The following ASIC2 variants were observed in gnomAD, a reference collection of about 807,000 sequenced individuals.
ASIC2 encodes acid-sensing ion channel 2.
A neutral mutation model predicts 57.3 loss-of-function variants in ASIC2; 25 were observed. The ratio of observed to expected loss-of-function variants is 0.44; its 90% CI spans 0.32 to 0.61. ASIC2 has a LOEUF of 0.61. Among genes scored for constraint, ASIC2 ranks in the 20% least tolerant of loss-of-function variants. The pLI, the probability that ASIC2 is intolerant of heterozygous loss-of-function variation, is 0.06. For synonymous variants in ASIC2, 319 were observed against 307.5 expected, an observed-to-expected ratio of 1.04 and a Z score of -0.39; for missense variants, 641 against 738.1, an observed-to-expected ratio of 0.87 and a Z score of 1.52.
In ASIC2 at chr17:33,656,169, TTA is replaced by T. The variant is rs987793104; in HGVS notation, c.555+499807_555+499808del. On this transcript the variant is annotated intron_variant, in intron 1 of 9. Transcript: ENST00000359872. Reference sequence around the variant, plus strand: ...AGAAGCTCATAATCATATTATGGGATTATAGCAAAAAAACAAACAAACCAGAA... The same window carrying T: ...AGAAGCTCATAATCATATTATGGGATTAGCAAAAAAACAAACAAACCAGAA... 4.7e-4 allele frequency among the ~76,000 whole-genome samples: 72 copies of T among 151,902 alleles called. 1 individual carries two copies. Among genetic ancestry groups the T allele is most frequent in the African/African-American group, 1.6e-3 (68 of 41,382 alleles).
intron 1 of ASIC2, among the ~76,000 whole-genome samples, chr17:33,886,415 C>T (rs903804574): frequency 3.3e-5 from 5 of 152,100 alleles, no homozygotes; most frequent in African/African-American, 1.2e-4. Context: ...TGGAAACTGG[C>T]TCCATTTACA....
chr17:33,361,920 C>T (rs905487606), intron 1 of ASIC2, among the ~76,000 whole-genome samples: 2 of 152,222 alleles, frequency 1.3e-5, no homozygotes, highest in Non-Finnish European at 2.9e-5. Flanking sequence ...CTTCTCTCCT[C>T]CTTGACCTTC....
intron 1 of ASIC2, among the ~76,000 whole-genome samples, chr17:33,356,410 C>G (rs932164667): frequency 5.3e-5 from 8 of 152,134 alleles, no homozygotes; most frequent in Admixed American, 5.2e-4. Context: ...CCTGAACCAC[C>G]TCCAGATTCT....
intron 1 of ASIC2, among the ~76,000 whole-genome samples, chr17:33,797,198 A>T (rs1911943799): frequency 6.6e-6 from 1 of 152,194 alleles, no homozygotes; most frequent in African/African-American, 2.4e-5. Context: ...TTTAGAGTGA[A>T]GGTAACACTT....
At chr17:33,148,658 T>G (rs936475562) in intron 1 of ASIC2, among the ~76,000 whole-genome samples, 4 of 152,206 alleles carry the variant, frequency 2.6e-5, no homozygotes, top group Admixed American at 2.6e-4. Flanking sequence ...ATTATGAAAA[T>G]TAAAAGATGA....
rs56259686 is a variant in ASIC2, at chr17:33,655,898, G to A, written c.555+500080C>T. ...CTTCCTTTTAAGCTTCTCAAGTTGG[G>A]TTGGAGATTTAACTCAGTGATCTCA... On this transcript the variant is annotated intron_variant, in intron 1 of 9. Transcript: ENST00000359872. Among the ~76,000 whole-genome samples the A allele has an allele frequency of 5.1e-3, 783 of 152,216 alleles. 3 individuals are homozygous for A. Among genetic ancestry groups the A allele is most frequent in the Non-Finnish European group, 7.9e-3 (539 of 68,010 alleles).
At chr17:33,570,761 G>A (rs533448026) in intron 1 of ASIC2, among the ~76,000 whole-genome samples, 55 of 152,214 alleles carry the variant, frequency 3.6e-4, no homozygotes, top group Non-Finnish European at 6.9e-4. Context: ...CCTTGCCCAC[G>A]TGTCTGGGGT....
chr17:33,659,911 TAAATAAAA>T (rs2142043908), intron 1 of ASIC2, among the ~76,000 whole-genome samples: 1 of 115,408 alleles, frequency 8.7e-6, no homozygotes, highest in Admixed American at 8.8e-5. Flanking sequence ...AATAAATAAA[TAAATAAAA>T]TAAAAATAAA....
At chr17:33,421,153 G>A (rs1229533423) in intron 1 of ASIC2, among the ~76,000 whole-genome samples, 1 of 152,306 alleles carries the variant, frequency 6.6e-6, no homozygotes, top group East Asian at 1.9e-4. Context: ...TTTGTCACCA[G>A]GAAGGTTCTG....
chr17:33,085,677 C>A (rs2092131581), intron 3 of ASIC2, among the ~76,000 whole-genome samples: 1 of 152,160 alleles, frequency 6.6e-6, no homozygotes, highest in Non-Finnish European at 1.5e-5. Flanking sequence ...AACAAAGCCA[C>A]AACATGAAAG....
chr17:33,873,633 G>T (rs1045622225), intron 1 of ASIC2, among the ~76,000 whole-genome samples: 6 of 152,158 alleles, frequency 3.9e-5, no homozygotes, highest in African/African-American at 1.4e-4. Flanking sequence ...GTCTTATAAA[G>T]AATTGTTGTA....
intron 1 of ASIC2, among the ~76,000 whole-genome samples, chr17:33,471,677 C>T (rs1913055128): frequency 6.6e-6 from 1 of 152,002 alleles, no homozygotes; most frequent in South Asian, 2.1e-4. Context: ...CAGGAATGGC[C>T]AGACTTTTGA....
At chr17:33,477,934 T>C (rs566342657) in intron 1 of ASIC2, among the ~76,000 whole-genome samples, 1 of 152,088 alleles carries the variant, frequency 6.6e-6, no homozygotes, top group South Asian at 2.1e-4. Flanking sequence ...TTCTACAGGG[T>C]TGTGGTTGGA....
chr17:33,037,736 G>A (rs1035632710), intron 3 of ASIC2, among the ~76,000 whole-genome samples: 6 of 152,176 alleles, frequency 3.9e-5, no homozygotes, highest in African/African-American at 1.4e-4. Flanking sequence ...TGATAATAAC[G>A]TTTATTTTTG....
intron 1 of ASIC2, among the ~76,000 whole-genome samples, chr17:33,420,273 A>G (rs1219337589): frequency 2.0e-5 from 3 of 152,226 alleles, no homozygotes; most frequent in South Asian, 4.1e-4. Context: ...TCATGCTTTC[A>G]GGAAATGTAC....
intron 1 of ASIC2, among the ~76,000 whole-genome samples, chr17:34,072,962 CAT>C (rs1414895744): frequency 2.0e-5 from 3 of 152,088 alleles, no homozygotes; most frequent in African/African-American, 2.4e-5. Context: ...AGCGTAGACA[CAT>C]AGAGTCAATG....
chr17:33,999,874 TA>T (rs1229583193), intron 1 of ASIC2, among the ~76,000 whole-genome samples: 1 of 152,154 alleles, frequency 6.6e-6, no homozygotes, highest in Non-Finnish European at 1.5e-5. Context: ...TTCATGTTTT[TA>T]TGCTGTTAAT....
At chr17:33,036,514 T>C (rs1227955258) in intron 3 of ASIC2, among the ~76,000 whole-genome samples, 1 of 152,178 alleles carries the variant, frequency 6.6e-6, no homozygotes, top group East Asian at 1.9e-4. Context: ...CACTGCAACC[T>C]TGAACTCCTG....
chr17:33,326,281 C>T (rs1041977293), intron 1 of ASIC2, among the ~76,000 whole-genome samples: 5 of 152,216 alleles, frequency 3.3e-5, no homozygotes, highest in African/African-American at 1.2e-4. Context: ...AGGTCATTAA[C>T]TTGACCAATA....
Sources: allele counts gnomAD v4.1 joint callset (sites outside exome capture counted in the v4.1 genomes callset), GRCh38; gene constraint gnomAD v4.1.1; transcripts MANE v1.5; gene names NCBI Gene and HGNC (gene_info 2026-07-23, HGNC 2026-07-21).